The following RABGAP1L variants were observed in gnomAD, a reference collection of about 807,000 sequenced individuals.
RABGAP1L encodes the protein rab GTPase-activating protein 1-like.
RABGAP1L carries 63 observed loss-of-function variants against 137.7 expected under a neutral mutation model. The observed-to-expected ratio is 0.46, with a 90% CI of 0.37 to 0.56. RABGAP1L has a LOEUF of 0.56. Ranked by LOEUF, RABGAP1L falls within the 20% of genes least tolerant of loss-of-function variation. The pLI is 0.00. For synonymous variants in RABGAP1L, 431 were observed against 433.7 expected, an observed-to-expected ratio of 0.99 and a Z score of 0.08; for missense variants, 1,095 against 1,244.0, an observed-to-expected ratio of 0.88 and a Z score of 1.80.
rs189187804 is a variant in RABGAP1L at position 174,404,446 on chromosome 1, T to A, written c.1710+10301T>A. ...CATCCTAGTTGGCCAGCTTCATCTA[T>A]TTATGCATCAATGCGTTAAATAGAA... On this transcript the variant is annotated intron_variant, in intron 13 of 25. Transcript: ENST00000681986. Among the ~76,000 whole-genome samples, 653 of 152,328 alleles carry A rather than the reference T, an allele frequency of 4.3e-3. 5 individuals are homozygous for A. The highest frequency in any genetic ancestry group is 0.029 in the South Asian group (141 of 4,828).
intron 13 of RABGAP1L, among the ~76,000 whole-genome samples, chr1:174,486,239 T>TG (rs1407473989): frequency 7.4e-6 from 1 of 134,656 alleles, no homozygotes. Flanking sequence ...TTTTTTTTTT[T>TG]GTCTGGCTAA....
chr1:174,224,379 A>T (rs977264420), intron 3 of RABGAP1L, among the ~76,000 whole-genome samples: 18 of 152,106 alleles, frequency 1.2e-4, no homozygotes, highest in South Asian at 4.1e-4. Flanking sequence ...TCTGGGCAGG[A>T]GAATGGCTTG....
At chr1:174,268,243 AGGCTG>A in intron 7 of RABGAP1L, among the ~76,000 whole-genome samples, 1 of 145,332 alleles carries the variant, frequency 6.9e-6, no homozygotes, top group East Asian at 2.0e-4. Context: ...TCTGTTGCCC[AGGCTG>A]GAGTGCACTG....
At chr1:174,822,152 T>C (rs1691095936) in intron 19 of RABGAP1L, among the ~76,000 whole-genome samples, 1 of 152,116 alleles carries the variant, frequency 6.6e-6, no homozygotes, top group Non-Finnish European at 1.5e-5. Context: ...TCCCAGCTAC[T>C]CGAGAGGCTG....
At chr1:174,604,567 G>A (rs570145279) in intron 13 of RABGAP1L, among the ~76,000 whole-genome samples, 1 of 152,208 alleles carries the variant, frequency 6.6e-6, no homozygotes, top group African/African-American at 2.4e-5. Context: ...ATAGTTGTTC[G>A]ATTTGGTATT....
intron 19 of RABGAP1L, among the ~76,000 whole-genome samples, chr1:174,896,058 A>G (rs998727757): frequency 1.3e-5 from 2 of 152,228 alleles, no homozygotes; most frequent in Admixed American, 1.3e-4. Flanking sequence ...CAGTCCCACC[A>G]ACAATGTAAA....
At chr1:174,176,741 A>AAAAAAAAAAAAAAAAAAT (rs755688394) in intron 1 of RABGAP1L, among the ~76,000 whole-genome samples, 22 of 111,804 alleles carry the variant, frequency 2.0e-4, no homozygotes, top group Non-Finnish European at 2.6e-4. Context: ...AAAAAAAAAA[A>AAAAAAAAAAAAAAAAAAT]AAAAAGGTCA....
chr1:174,969,471 G>A, intron 21 of RABGAP1L, 84 bp downstream of exon 21: 3 of 1,030,078 alleles, frequency 2.9e-6, no homozygotes, highest in Non-Finnish European at 1.5e-6. Context: ...AACTTGCTTT[G>A]TTCTTGACTT....
chr1:174,714,619 C>T (rs1161918829), intron 17 of RABGAP1L, among the ~76,000 whole-genome samples: 3 of 152,090 alleles, frequency 2.0e-5, no homozygotes, highest in African/African-American at 7.2e-5. Flanking sequence ...TTTTAAGAAA[C>T]AGAAACCTAG....
At chr1:174,194,187 T>C (rs1384787182) in intron 1 of RABGAP1L, among the ~76,000 whole-genome samples, 1 of 152,046 alleles carries the variant, frequency 6.6e-6, no homozygotes, top group East Asian at 1.9e-4. Context: ...TTGTGGTAAT[T>C]AATGGTGGTG....
intron 11 of RABGAP1L, among the ~76,000 whole-genome samples, chr1:174,331,157 C>T (rs1236619410): frequency 2.6e-5 from 4 of 152,010 alleles, no homozygotes; most frequent in South Asian, 4.1e-4. Context: ...GAAACTAGGC[C>T]CCTCTCTCTC....
intron 13 of RABGAP1L, among the ~76,000 whole-genome samples, chr1:174,457,562 G>A (rs889200587): frequency 4.0e-5 from 6 of 150,718 alleles, no homozygotes; most frequent in African/African-American, 1.5e-4. Context: ...CCAGGCAGTG[G>A]AGTGATCTTG....
At chr1:174,275,785 GA>G (rs1448662541) in intron 8 of RABGAP1L, 47 bp from the exon 9 acceptor site, 3 of 1,382,346 alleles carry the variant, frequency 2.2e-6, no homozygotes, top group Middle Eastern at 1.8e-4. Flanking sequence ...TTAAAGTAGT[GA>G]TTTTTTTGAT....
chr1:174,586,922 A>G (rs942427644), intron 13 of RABGAP1L, among the ~76,000 whole-genome samples: 1 of 152,058 alleles, frequency 6.6e-6, no homozygotes, highest in African/African-American at 2.4e-5. Context: ...AAAGTACAAT[A>G]TGAGTGTGAT....
chr1:174,333,881 C>T (rs1256909625), intron 11 of RABGAP1L, among the ~76,000 whole-genome samples: 1 of 152,302 alleles, frequency 6.6e-6, no homozygotes, highest in African/African-American at 2.4e-5. Flanking sequence ...GAAGCTCAGT[C>T]TTGCAAGTAG....
intron 13 of RABGAP1L, among the ~76,000 whole-genome samples, chr1:174,488,850 T>C (rs1659930999): frequency 6.6e-6 from 1 of 152,062 alleles, no homozygotes; most frequent in African/African-American, 2.4e-5. Context: ...TGTGCCATGT[T>C]AATGTGCTGC....
chr1:174,199,518 C>T (rs546499127), intron 1 of RABGAP1L, among the ~76,000 whole-genome samples: 32 of 152,280 alleles, frequency 2.1e-4, no homozygotes, highest in African/African-American at 6.7e-4. Context: ...TCTCGAACTC[C>T]TGACCGCAAG....
chr1:174,823,461 T>C (rs1460575635), intron 19 of RABGAP1L, among the ~76,000 whole-genome samples: 1 of 152,226 alleles, frequency 6.6e-6, no homozygotes, highest in Non-Finnish European at 1.5e-5. Context: ...ATGTTTAAAG[T>C]GTGCTTCATG....
At chr1:174,769,887 A>C (rs1425691413) in intron 18 of RABGAP1L, among the ~76,000 whole-genome samples, 1 of 152,176 alleles carries the variant, frequency 6.6e-6, no homozygotes, top group African/African-American at 2.4e-5. Context: ...AGACCTTGAA[A>C]CTGGAAAATG....
Sources: allele counts gnomAD v4.1 joint callset (sites outside exome capture counted in the v4.1 genomes callset), GRCh38; gene constraint gnomAD v4.1.1; transcripts MANE v1.5; gene names NCBI Gene and HGNC (gene_info 2026-07-23, HGNC 2026-07-21).